Variants in SLC2A13 observed in about 807,000 individuals in gnomAD.
SLC2A13 encodes the protein proton myo-inositol cotransporter.
Under a neutral mutation model 64.4 loss-of-function variants are expected in SLC2A13, and 32 were observed. The ratio of observed to expected loss-of-function variants is 0.50; its 90% confidence interval spans 0.37 to 0.67. SLC2A13 has a LOEUF of 0.67. Ranked by LOEUF, SLC2A13 falls within the 30% of genes least tolerant of loss-of-function variation. The probability of loss-of-function intolerance (pLI) is 0.00; values close to 1 mark genes in which losing one functional copy is unlikely to be tolerated. For synonymous variants in SLC2A13, 338 were observed against 327.1 expected (o/e 1.03, Z -0.36); for missense variants, 743 against 829.2 (o/e 0.90, Z 1.28).
At chr12:39,984,329 TAAAA>T (rs1044176500) in intron 3 of SLC2A13, among the ~76,000 whole-genome samples, 2 of 143,950 alleles carry the variant, frequency 1.4e-5, no homozygotes, top group Admixed American at 1.4e-4. Context: ...TAAAGTATAA[TAAAA>T]AAAAAAGTGC....
intron 4 of SLC2A13, among the ~76,000 whole-genome samples, chr12:39,880,146 C>G (rs958988339): frequency 5.9e-5 from 9 of 152,292 alleles, no homozygotes; most frequent in African/African-American, 2.2e-4. Context: ...TCCCCAGAAG[C>G]TGGGCAGATG....
At chr12:39,970,624 T>C (rs1486043301) in intron 3 of SLC2A13, among the ~76,000 whole-genome samples, 5 of 152,236 alleles carry the variant, frequency 3.3e-5, no homozygotes, top group Non-Finnish European at 7.3e-5. Flanking sequence ...AATTCTACCA[T>C]GGCCTGTCTC....
intron 1 of SLC2A13, among the ~76,000 whole-genome samples, chr12:40,060,667 C>T (rs890007493): frequency 6.6e-6 from 1 of 152,094 alleles, no homozygotes; most frequent in Admixed American, 6.6e-5. Flanking sequence ...AAATAGTATC[C>T]TCATTGCACA....
chr12:39,961,598 G>C (rs958422790), intron 3 of SLC2A13, among the ~76,000 whole-genome samples: 1 of 151,834 alleles, frequency 6.6e-6, no homozygotes, highest in Non-Finnish European at 1.5e-5. Context: ...TTCTGGACTC[G>C]AGCAATCCTC....
intron 3 of SLC2A13, among the ~76,000 whole-genome samples, chr12:39,979,430 A>G (rs1187350347): frequency 7.2e-6 from 1 of 139,336 alleles, no homozygotes; most frequent in African/African-American, 2.6e-5. Flanking sequence ...TTTGAAAAAA[A>G]TTTATAAGAA....
intron 4 of SLC2A13, among the ~76,000 whole-genome samples, chr12:39,895,711 CACAT>C (rs1230620141): frequency 1.8e-4 from 26 of 141,386 alleles, no homozygotes; most frequent in African/African-American, 6.8e-4. Flanking sequence ...TATACGTACA[CACAT>C]ATGTATATGC....
At chr12:39,834,975 T>G (rs1199263614) in intron 6 of SLC2A13, among the ~76,000 whole-genome samples, 1 of 152,100 alleles carries the variant, frequency 6.6e-6, no homozygotes, top group African/African-American at 2.4e-5. Context: ...TAGGAATGGC[T>G]ATTACATTTT....
chr12:39,890,594 G>T (rs1463969934), intron 4 of SLC2A13, among the ~76,000 whole-genome samples: 2 of 152,128 alleles, frequency 1.3e-5, no homozygotes, highest in African/African-American at 4.8e-5. Context: ...TAGACTGTAA[G>T]ATAATTTGTG....
chr12:40,028,515 A>G lies in SLC2A13; in HGVS notation c.717-6T>C. On this transcript the variant is annotated splice_region_variant and splice_polypyrimidine_tract_variant and intron_variant, in intron 2 of 9. Transcript: ENST00000280871. ...CTGCAAGTCCCAACATGTACCTGCA[A>G]AGAAAAAAAATCCACATTTACTGTA... The G allele has an allele frequency of 6.2e-7, 1 of 1,611,884 alleles. No individual in the cohort carries two copies. The highest frequency in any genetic ancestry group is 8.5e-7 in the Non-Finnish European group (1 of 1,179,290).
In SLC2A13 at chr12:39,758,148, C is replaced by A. The variant is rs1940017901; in HGVS notation, c.*1878G>T. Reference sequence around the variant, plus strand: ...CCCTTGGAAATCAATTGTTAAAGCACCTAATTCAAGGAAAAAACCTCTATA... The same window carrying A: ...CCCTTGGAAATCAATTGTTAAAGCAACTAATTCAAGGAAAAAACCTCTATA... On this transcript the variant is annotated 3_prime_UTR_variant, in exon 10 of 10. Transcript: ENST00000280871. The A allele has an allele frequency of 6.6e-6, 1 of 151,386 alleles. No homozygotes were observed. The highest frequency in any genetic ancestry group is 1.5e-5 in the Non-Finnish European group (1 of 67,646). The allele number at this position is 151,386 out of a possible 1,614,324, so 9.4% of individuals were successfully genotyped here. A position where few individuals can be genotyped will look rare whatever the true frequency, so the allele number is the denominator to read the frequency against.
chr12:39,858,290 T>C (rs899183506), intron 6 of SLC2A13, among the ~76,000 whole-genome samples: 1 of 152,234 alleles, frequency 6.6e-6, no homozygotes, highest in African/African-American at 2.4e-5. Context: ...AATTGACTTA[T>C]GTACATTTAT....
Position 40,105,875 on chromosome 12 carries a change from C to T in SLC2A13, c.-67G>A. ...GGGCCGGCAGTCTCGGCGAGCTAGA[C>T]AGCCCGAGCCGGCGGGAGCAACCGC... is the stretch of plus-strand genomic sequence containing the variant. On this transcript the variant is annotated 5_prime_UTR_variant, in exon 1 of 10. Coordinates refer to ENST00000280871, the MANE Select transcript of SLC2A13 (RefSeq NM_052885.4). The surrounding 1 kb of genome is among the most constrained non-coding windows in gnomAD (Gnocchi z 4.2). 7 of 1,277,456 alleles carry T rather than the reference C, an allele frequency of 5.5e-6. No homozygotes were observed. The highest frequency in any genetic ancestry group is 6.9e-6 in the Non-Finnish European group (7 of 1,011,196). 79.1% of individuals were successfully genotyped at this position (1,277,456 alleles called of 1,614,324 possible).
intron 3 of SLC2A13, among the ~76,000 whole-genome samples, chr12:39,958,615 T>C (rs1946358088): frequency 2.0e-5 from 3 of 152,156 alleles, no homozygotes; most frequent in African/African-American, 7.2e-5. Context: ...TTCAAAACCA[T>C]TGATAACAGA....
At chr12:40,010,677 C>T (rs559221516) in intron 3 of SLC2A13, among the ~76,000 whole-genome samples, 2 of 152,218 alleles carry the variant, frequency 1.3e-5, no homozygotes, top group African/African-American at 4.8e-5. Context: ...TGAATCTTTC[C>T]AAAACATTCA....
chr12:40,058,715 C>T (rs1022772472), intron 1 of SLC2A13, among the ~76,000 whole-genome samples: 4 of 152,144 alleles, frequency 2.6e-5, no homozygotes, highest in African/African-American at 9.7e-5. Flanking sequence ...CATTTTACAA[C>T]ATTTGAACAA....
chr12:39,862,512 T>C (rs902799047), intron 6 of SLC2A13, among the ~76,000 whole-genome samples: 4 of 152,210 alleles, frequency 2.6e-5, no homozygotes, highest in African/African-American at 4.8e-5. Context: ...ACTAATAGAA[T>C]AGAATATGAT....
At chr12:40,035,232 C>G (rs919069946) in intron 2 of SLC2A13, among the ~76,000 whole-genome samples, 4 of 152,092 alleles carry the variant, frequency 2.6e-5, no homozygotes, top group Admixed American at 2.6e-4. Flanking sequence ...CGTTATTGAT[C>G]AATAACTAGA....
intron 4 of SLC2A13, among the ~76,000 whole-genome samples, chr12:39,940,242 T>C (rs1339494699): frequency 6.6e-6 from 1 of 152,182 alleles, no homozygotes; most frequent in Non-Finnish European, 1.5e-5. Flanking sequence ...TCATCCTGCA[T>C]TGTGGAAGAC....
At chr12:39,773,153 AGTC>A (rs1230173331) in intron 7 of SLC2A13, among the ~76,000 whole-genome samples, 19 of 152,312 alleles carry the variant, frequency 1.2e-4, no homozygotes, top group African/African-American at 4.6e-4. Flanking sequence ...GATTAGAAAA[AGTC>A]ATGCTCTTGG....
Sources: allele counts gnomAD v4.1 joint callset (sites outside exome capture counted in the v4.1 genomes callset), GRCh38; gene constraint gnomAD v4.1.1; non-coding constraint Gnocchi (gnomAD v3.1); transcripts MANE v1.5; gene names NCBI Gene and HGNC (gene_info 2026-07-23, HGNC 2026-07-21).